Variants in PTCH2 observed in about 807,000 individuals in gnomAD.
The protein encoded by PTCH2 is protein patched homolog 2.
In PTCH2, 96 loss-of-function variants were observed where a neutral mutation model predicts 117.9. The ratio of observed to expected loss-of-function variants is 0.81; its 90% CI spans 0.69 to 0.96. The LOEUF (loss-of-function observed/expected upper bound fraction) is 0.96, where lower values mean the gene tolerates loss of function less well. Ranked by LOEUF, PTCH2 falls within the 50% of genes least tolerant of loss-of-function variation. The pLI is 0.00. For synonymous variants in PTCH2, 615 were observed against 660.9 expected, an observed-to-expected ratio of 0.93 and a Z score of 1.06; for missense variants, 1,379 against 1,562.5, an observed-to-expected ratio of 0.88 and a Z score of 1.98.
rs376456572 is a variant in PTCH2, at chr1:44,823,191, G to A, written c.3258-23C>T. The A allele has an allele frequency of 1.7e-5, 28 of 1,614,028 alleles. No individual in the cohort carries two copies. In the African/African-American group the frequency reaches 3.3e-4, roughly 19 times the overall value. ...TACCTAGGGGTAGGGTGTGGGGGGA[G>A]TCAGCCCAGGCCTGTCCTGAGCCCT... On this transcript the variant is annotated intron_variant, in intron 20 of 21. Coordinates refer to ENST00000372192, the MANE Select transcript of PTCH2 (RefSeq NM_003738.5). The surrounding 1 kb of genome is among the most constrained non-coding windows in gnomAD (Gnocchi z 5.1).
chr1:44,826,181 G>C lies in PTCH2; in HGVS notation c.3114+69C>G, dbSNP rs900627589. ...CTTAAATAGTACCTAGCACATAGTA[G>C]GGGCTTGAACAATATGTGTTGAATA... On this transcript the variant is annotated intron_variant, in intron 19 of 21. Transcript: ENST00000372192. The surrounding 1 kb of genome is among the most constrained non-coding windows in gnomAD (Gnocchi z 5.1). 8.3e-6 allele frequency: 13 copies of C among 1,564,220 alleles called. No individual in the cohort carries two copies. The African/African-American group carries it at 1.8e-4, about 21-fold the overall frequency.
intron 6 of PTCH2, 77 bp from the exon 7 acceptor site, chr1:44,830,107 G>C: frequency 6.3e-7 from 1 of 1,579,112 alleles, no homozygotes; most frequent in Non-Finnish European, 8.6e-7. Flanking sequence ...TCCACCTCCA[G>C]GAACCACGCT....
At chr1:44,828,742 C>G (rs1415553745) in intron 11 of PTCH2, 111 bp from the exon 12 acceptor site, 2 of 1,458,008 alleles carry the variant, frequency 1.4e-6, no homozygotes, top group African/African-American at 2.8e-5. Flanking sequence ...GCAGTCATAA[C>G]ACAGTGGCTA....
chr1:44,834,747 G>A (rs1004651029), intron 2 of PTCH2, among the ~76,000 whole-genome samples: 1 of 152,244 alleles, frequency 6.6e-6, no homozygotes, highest in African/African-American at 2.4e-5. Flanking sequence ...CAGGTGAACT[G>A]GGATGCATTG....
intron 2 of PTCH2, among the ~76,000 whole-genome samples, chr1:44,837,524 G>A (rs563963331): frequency 1.3e-5 from 2 of 152,182 alleles, no homozygotes; most frequent in East Asian, 1.9e-4. Context: ...CAAAATGCTG[G>A]GATTACAGGT....
chr1:44,821,847 G>C (rs767354300), downstream of PTCH2: 3 of 1,365,002 alleles, frequency 2.2e-6, no homozygotes, highest in Middle Eastern at 4.2e-4. Context: ...AATACCTCAG[G>C]TCCTGGCACC....
chr1:44,823,071 C>T lies in PTCH2; in HGVS notation c.3355G>A (p.Glu1119Lys), dbSNP rs766636037. The T allele has an allele frequency of 6.2e-7, 1 of 1,612,798 alleles. No individual in the cohort carries two copies. Among genetic ancestry groups the T allele is most frequent in the Non-Finnish European group, 8.5e-7 (1 of 1,179,688 alleles). ...GATGGTGCCGAGGGTGTGGTCACCT[C>T]TGGCGGCGGGCCCAGGATGGACAGC... ...VLLSILGPPP[E>K]VIQMYKESPE... The change falls in exon 21 of 22, where the codon GAG becomes AAG. Residue 1119 changes from glutamate (E) to lysine (K), a missense_variant and splice_region_variant. By Grantham distance (56) the Glu-to-Lys change is moderately conservative (BLOSUM62 1). Transcript: ENST00000372192. The surrounding 1 kb of genome is among the most constrained non-coding windows in gnomAD (Gnocchi z 5.1).
intron 2 of PTCH2, among the ~76,000 whole-genome samples, chr1:44,832,553 C>T (rs565900591): frequency 2.1e-4 from 32 of 152,354 alleles, no homozygotes; most frequent in Admixed American, 5.2e-4. Flanking sequence ...GGAGAAGCCT[C>T]GGTTGTGTGG....
rs1320690208 is a variant in PTCH2 at position 44,827,961 on chromosome 1, C to T, written c.1940G>A (p.Gly647Asp). 26 of 1,614,092 alleles carry T rather than the reference C, an allele frequency of 1.6e-5. No individual in the cohort carries two copies. The highest frequency in any genetic ancestry group is 4.0e-5 in the African/African-American group (3 of 74,930). The part of the protein sequence containing the change: ...SPGGSTRDLL[G>D]QEEETRQKAA... The stretch of plus-strand genomic sequence containing the variant: ...CTTCTGCCTTGTCTCCTCCTCCTGG[C>T]CTAGAAGGTCCCGTGTGGACCCTCC... Residue 647 changes from glycine (G) to aspartate (D), a missense_variant, in exon 14 of 22, where the codon GGC becomes GAC. Coordinates refer to ENST00000372192, the MANE Select transcript of PTCH2 (RefSeq NM_003738.5).
chr1:44,841,713 T>G, intron 2 of PTCH2, 134 bp downstream of exon 2: 1 of 884,376 alleles, frequency 1.1e-6, no homozygotes, highest in African/African-American at 1.6e-5. Flanking sequence ...GATGCCCAGG[T>G]GTAGGACTCT....
rs369351238 is a variant in PTCH2, at chr1:44,828,284, C to G, written c.1709+12G>C. On this transcript the variant is annotated intron_variant, in intron 13 of 21. Coordinates refer to ENST00000372192, the MANE Select transcript of PTCH2 (RefSeq NM_003738.5). ...GGGTCACGGGAGGAAGGGGCTGGGG[C>G]GCAGGCAGTACCTGGAGAAGCAGCA... 2 of 1,613,424 alleles carry G rather than the reference C, an allele frequency of 1.2e-6. No individual in the cohort carries two copies. Among genetic ancestry groups the G allele is most frequent in the Non-Finnish European group, 1.7e-6 (2 of 1,179,718 alleles).
chr1:44,835,436 G>A (rs1036557259), intron 2 of PTCH2, among the ~76,000 whole-genome samples: 2 of 152,122 alleles, frequency 1.3e-5, no homozygotes, highest in Admixed American at 1.3e-4. Flanking sequence ...AAATAATAAT[G>A]TAAATGCAAA....
Position 44,822,216 on chromosome 1 carries a change from C to T in PTCH2, c.*199G>A. 6.8e-7 allele frequency: 1 copy of T among 1,461,368 alleles called. No individual in the cohort carries two copies. Among genetic ancestry groups the T allele is most frequent in the Non-Finnish European group, 9.0e-7 (1 of 1,112,548 alleles). 90.5% of individuals were successfully genotyped at this position (1,461,368 alleles called of 1,614,324 possible). On this transcript the variant is annotated 3_prime_UTR_variant, in exon 22 of 22. Transcript: ENST00000372192. ...CTTTCACTCTCAAGTGACACAGATACAGGCTCACACAGGCCTGGATGTGCA... is the reference window on the plus strand; with the variant it reads ...CTTTCACTCTCAAGTGACACAGATATAGGCTCACACAGGCCTGGATGTGCA...
chr1:44,820,460 G>C, downstream of PTCH2: 1 of 684,978 alleles, frequency 1.5e-6, no homozygotes, highest in Non-Finnish European at 2.7e-6. Context: ...AGACACTCAG[G>C]GGCACTGGGA....
chr1:44,820,152 G>T (rs781373183), downstream of PTCH2: 14 of 346,600 alleles, frequency 4.0e-5, no homozygotes, highest in Admixed American at 1.2e-4. Flanking sequence ...AGAAATGCGC[G>T]CACAGAGGGA....
In PTCH2 at chr1:44,826,916, C is replaced by T; in HGVS notation, c.2681G>A (p.Gly894Glu). The T allele has an allele frequency of 6.2e-7, 1 of 1,614,004 alleles. No individual in the cohort carries two copies. The highest frequency in any genetic ancestry group is 8.5e-7 in the Non-Finnish European group (1 of 1,180,020). Residue 894 changes from glycine to glutamate, a missense_variant, in exon 17 of 22, where the codon GGG becomes GAG. By Grantham distance (98) the Gly-to-Glu change is moderately conservative. Transcript: ENST00000372192. This position sits in a 1 kb window ranked among gnomAD's most constrained non-coding sequence, Gnocchi z 5.1. ...CCAAGACTCACTGCGAAGGTTCTCCCCCGTGGTGTCGTATTTGTCGTGCAG... is the reference window on the plus strand; with the variant it reads ...CCAAGACTCACTGCGAAGGTTCTCCTCCGTGGTGTCGTATTTGTCGTGCAG... ...EWLHDKYDTT[G>E]ENLRIPPAQP...
At chr1:44,834,189 G>A (rs966383537) in intron 2 of PTCH2, among the ~76,000 whole-genome samples, 2 of 148,878 alleles carry the variant, frequency 1.3e-5, no homozygotes, top group Non-Finnish European at 3.0e-5. Flanking sequence ...GTGCAATCTC[G>A]GCTCACTGCA....
Position 44,822,257 on chromosome 1 carries a change from T to G in PTCH2, c.*158A>C. The G allele has an allele frequency of 6.5e-7, 1 of 1,548,682 alleles. No individual in the cohort carries two copies. Among genetic ancestry groups the G allele is most frequent in the South Asian group, 1.2e-5 (1 of 82,452 alleles). On this transcript the variant is annotated 3_prime_UTR_variant, in exon 22 of 22. Transcript: ENST00000372192. ...TGGATGTGCAAATCGGTGGCTGTTC[T>G]GTATGGATATCAGGGAGGCCCATGA...
rs1653186667 is a variant in PTCH2 at position 44,827,081 on chromosome 1, A to C, written c.2516T>G (p.Leu839Arg). ...DAQEPLDFSQ[L>R]TTRKLVDREG... is the part of the protein sequence containing the mutation. ...TCTGTCCACCAGCTTCCTTGTGGTC[A>C]GCTGCAGAGGCAGAGAGGGCTGAAG... Residue 839 changes from leucine to arginine, a missense_variant and splice_region_variant, in exon 17 of 22, where the codon CTG becomes CGG. Leu to Arg is a moderately radical substitution (Grantham distance 102, BLOSUM62 -2). Transcript: ENST00000372192. 6.2e-7 allele frequency: 1 copy of C among 1,613,928 alleles called. No individual in the cohort carries two copies. Among genetic ancestry groups the C allele is most frequent in the Admixed American group, 1.7e-5 (1 of 60,014 alleles).
Sources: allele counts gnomAD v4.1 joint callset (sites outside exome capture counted in the v4.1 genomes callset), GRCh38; gene constraint gnomAD v4.1.1; non-coding constraint Gnocchi (gnomAD v3.1); transcripts MANE v1.5; gene names NCBI Gene and HGNC (gene_info 2026-07-23, HGNC 2026-07-21).